ABCA1: variants seen among roughly 807,000 people sequenced by gnomAD.
ABCA1 encodes the protein phospholipid-transporting ATPase ABCA1.
Under a neutral mutation model 262.5 loss-of-function variants are expected in ABCA1, and 133 were observed. The ratio of observed to expected loss-of-function variants is 0.51; its 90% confidence interval spans 0.44 to 0.59. ABCA1 has a LOEUF of 0.59. Ranked by LOEUF, ABCA1 falls within the 20% of genes least tolerant of loss-of-function variation. The pLI is 0.00. For synonymous variants in ABCA1, 1,022 were observed against 1,043.5 expected (o/e 0.98, Z 0.40); for missense variants, 2,452 against 2,777.5 (o/e 0.88, Z 2.63).
rs1829698106 is a variant in ABCA1 at position 104,794,482 on chromosome 9, T to C, written c.5411A>G (p.Lys1804Arg). ...ATGTGGGAAGATCAAGAACACGGAC[T>C]TCAGGATATCATTGATATTATTCAG... is the stretch of plus-strand genomic sequence containing the variant. The part of the protein sequence containing the change: ...NKLNNINDIL[K>R]SVFLIFPHFC... The change falls in exon 40 of 50, where the codon AAG becomes AGG. Residue 1804 changes from lysine to arginine, a missense_variant. Physicochemically the swap from Lys to Arg is conservative, Grantham distance 26. Coordinates refer to ENST00000374736, the MANE Select transcript of ABCA1 (RefSeq NM_005502.4). 1 of 1,565,472 alleles carries C rather than the reference T, an allele frequency of 6.4e-7. No individual in the cohort carries two copies. The highest frequency in any genetic ancestry group is 8.7e-7 in the Non-Finnish European group (1 of 1,146,582).
Position 104,855,890 on chromosome 9 carries a change from A to C in ABCA1, c.720+2632T>G, listed in dbSNP as rs758778748. 4.3e-6 allele frequency: 7 copies of C among 1,612,902 alleles called. No homozygotes were observed. The South Asian group carries it at 7.7e-5, about 18-fold the overall frequency. On this transcript the variant is annotated intron_variant, in intron 7 of 49. Coordinates refer to ENST00000374736, the MANE Select transcript of ABCA1 (RefSeq NM_005502.4). The stretch of plus-strand genomic sequence containing the variant: ...ACAATACCCTTGGCTGGAAACAGGG[A>C]AACACTCACGCACACACAAAAGGAG...
At chr9:104,835,483 G>A (rs1564155349) in intron 11 of ABCA1, among the ~76,000 whole-genome samples, 1 of 152,126 alleles carries the variant, frequency 6.6e-6, no homozygotes, top group Non-Finnish European at 1.5e-5. Context: ...CCACTAAGCA[G>A]TCACCAGGCC....
intron 25 of ABCA1, 106 bp from the exon 26 acceptor site, chr9:104,814,581 A>T: frequency 8.8e-7 from 1 of 1,132,506 alleles, no homozygotes; most frequent in Non-Finnish European, 1.3e-6. Flanking sequence ...CCCGTAAGAC[A>T]GAGAAAGTAG....
At chr9:104,919,608 T>C (rs1386441210) in intron 1 of ABCA1, among the ~76,000 whole-genome samples, 1 of 145,902 alleles carries the variant, frequency 6.9e-6, no homozygotes, top group Non-Finnish European at 1.5e-5. Flanking sequence ...CGAGACTCCA[T>C]CTCAAAAAAA....
At chr9:104,915,240 TGA>T (rs1841773403) in intron 1 of ABCA1, among the ~76,000 whole-genome samples, 1 of 152,230 alleles carries the variant, frequency 6.6e-6, no homozygotes, top group Non-Finnish European at 1.5e-5. Flanking sequence ...AGCCAGCTCT[TGA>T]GACAGTCATA....
chr9:104,819,868 G>C (rs370373349), intron 21 of ABCA1, 59 bp downstream of exon 21: 34 of 1,608,798 alleles, frequency 2.1e-5, no homozygotes, highest in Non-Finnish European at 2.8e-5. Context: ...ATTTTCCTCC[G>C]CATGTGTGTA....
rs769897782 is a variant in ABCA1, at chr9:104,785,465, G to A, written c.6576C>T (p.Ser2192=). Reference sequence around the variant, plus strand: ...GTCGCTTTTTGCTCTGGGAGAGGATGCTGAATATCCTGGCCAGAGAAGATA... The same window carrying A: ...GTCGCTTTTTGCTCTGGGAGAGGATACTGAATATCCTGGCCAGAGAAGATA... ...SSLSSLARIF[S]ILSQSKKRLH... The change falls in exon 49 of 50, where the codon AGC becomes AGT. Residue 2192 remains serine, a synonymous_variant. Coordinates refer to ENST00000374736, the MANE Select transcript of ABCA1 (RefSeq NM_005502.4). The A allele has an allele frequency of 1.3e-6, 2 of 1,582,052 alleles. No homozygotes were observed. Among genetic ancestry groups the A allele is most frequent in the South Asian group, 2.2e-5 (2 of 90,478 alleles).
chr9:104,826,818 T>A, intron 16 of ABCA1, 130 bp downstream of exon 16: 3 of 869,608 alleles, frequency 3.4e-6, no homozygotes, highest in Non-Finnish European at 5.6e-6. Context: ...GAGCTTAGAA[T>A]CTAGAGCTAA....
chr9:104,861,035 C>T (rs887026557), intron 6 of ABCA1, among the ~76,000 whole-genome samples: 4 of 152,236 alleles, frequency 2.6e-5, no homozygotes, highest in South Asian at 2.1e-4. Flanking sequence ...GGATTATAGA[C>T]GTGGGATTAC....
At chr9:104,869,757 A>G (rs1037938546) in intron 5 of ABCA1, among the ~76,000 whole-genome samples, 1 of 152,102 alleles carries the variant, frequency 6.6e-6, no homozygotes, top group Non-Finnish European at 1.5e-5. Context: ...CCCAGGAGAC[A>G]CTTCCTTCTC....
intron 14 of ABCA1, 112 bp from the exon 15 acceptor site, chr9:104,829,250 G>T: frequency 1.0e-6 from 1 of 972,898 alleles, no homozygotes; most frequent in Non-Finnish European, 1.6e-6. Context: ...CTGGGCCACA[G>T]AAGGACAGGC....
rs1210928163 is a variant in ABCA1, at chr9:104,810,949, AG to A, written c.4051-26del. 3 of 1,613,962 alleles carry A rather than the reference AG, an allele frequency of 1.9e-6. No homozygotes were observed. The South Asian group carries it at 3.3e-5, about 18-fold the overall frequency. The stretch of plus-strand genomic sequence containing the variant: ...TCTTTACCCAGGCAGTGGAGGGGGC[AG>A]GGGGACAGCAGGAAACGGCAAGTGT... On this transcript the variant is annotated intron_variant, in intron 28 of 49. Transcript: ENST00000374736.
intron 5 of ABCA1, among the ~76,000 whole-genome samples, chr9:104,871,210 C>T (rs537454575): frequency 2.6e-5 from 4 of 152,272 alleles, no homozygotes; most frequent in Admixed American, 1.3e-4. Context: ...ATCTTAGAAG[C>T]AGAGAGCAGC....
intron 2 of ABCA1, among the ~76,000 whole-genome samples, chr9:104,894,777 G>GAGT (rs1840058282): frequency 6.6e-6 from 1 of 152,224 alleles, no homozygotes; most frequent in Non-Finnish European, 1.5e-5. Context: ...TAGCATGTAT[G>GAGT]AGTGAATTAA....
At chr9:104,906,094 C>G (rs545623893) in intron 1 of ABCA1, among the ~76,000 whole-genome samples, 89 of 152,350 alleles carry the variant, frequency 5.8e-4, no homozygotes, top group Non-Finnish European at 1.1e-3. Context: ...GTTCCCTTCT[C>G]CCCATTTATC....
At chr9:104,800,063 C>T in intron 35 of ABCA1, 75 bp from the exon 36 acceptor site, 9 of 1,536,624 alleles carry the variant, frequency 5.9e-6, no homozygotes, top group East Asian at 2.2e-5. Context: ...ACCCACCAAC[C>T]ATGCCCATAA....
intron 1 of ABCA1, among the ~76,000 whole-genome samples, chr9:104,906,159 C>T (rs756621958): frequency 6.6e-6 from 1 of 152,168 alleles, no homozygotes; most frequent in Non-Finnish European, 1.5e-5. Context: ...CCTGTCCAAA[C>T]AGGACGTTCC....
chr9:104,819,003 C>T, intron 22 of ABCA1, 120 bp from the exon 23 acceptor site: 2 of 927,514 alleles, frequency 2.2e-6, no homozygotes, highest in Non-Finnish European at 3.4e-6. Context: ...CTGGAAGCCA[C>T]CTTTCACCCT....
At chr9:104,903,421 C>A (rs1840829824) in intron 2 of ABCA1, among the ~76,000 whole-genome samples, 193 bp downstream of exon 2, 1 of 152,146 alleles carries the variant, frequency 6.6e-6, no homozygotes. Context: ...TACCTGGCTG[C>A]AAATCTGCCC....
Sources: gnomAD v4.1 joint callset for allele counts (sites outside exome capture counted in the v4.1 genomes callset) on GRCh38, gnomAD v4.1.1 for gene constraint, MANE v1.5 for transcripts, NCBI Gene and HGNC (gene_info 2026-07-23, HGNC 2026-07-21) for gene names.